The following CDK8 variants were observed in gnomAD, a reference collection of about 807,000 sequenced individuals.
CDK8 encodes cyclin-dependent kinase 8.
A neutral mutation model predicts 71.5 loss-of-function variants in CDK8; 29 were observed. The observed-to-expected ratio is 0.41, with a 90% CI of 0.30 to 0.55. The LOEUF (loss-of-function observed/expected upper bound fraction) is 0.55. CDK8 is among the 20% of genes least tolerant of loss of function. The probability of loss-of-function intolerance (pLI) is 0.37; values close to 1 mark genes in which losing one functional copy is unlikely to be tolerated. For synonymous variants in CDK8, 161 were observed against 192.1 expected (o/e 0.84, Z 1.34); for missense variants, 288 against 572.6 (o/e 0.50, Z 5.07).
intron 1 of CDK8, among the ~76,000 whole-genome samples, chr13:26,275,536 CAT>C (rs1351744725): frequency 2.0e-5 from 3 of 152,094 alleles, no homozygotes; most frequent in East Asian, 1.9e-4. Flanking sequence ...ATATTTGTGA[CAT>C]ATGAAAATTT....
At chr13:26,391,784 C>T (rs765414561) in intron 6 of CDK8, among the ~76,000 whole-genome samples, 1 of 152,128 alleles carries the variant, frequency 6.6e-6, no homozygotes, top group Non-Finnish European at 1.5e-5. Flanking sequence ...TATGTAAATA[C>T]GATGTCATTT....
chr13:26,293,624 A>T (rs1351904709), intron 1 of CDK8, among the ~76,000 whole-genome samples: 5 of 137,992 alleles, frequency 3.6e-5, no homozygotes, highest in Non-Finnish European at 1.6e-5. Context: ...AAAAAAAAAA[A>T]TTTGTATATA....
chr13:26,317,824 C>T (rs960128247), intron 1 of CDK8, among the ~76,000 whole-genome samples: 13 of 151,934 alleles, frequency 8.6e-5, no homozygotes, highest in Non-Finnish European at 1.6e-4. Context: ...TAGCTATAAA[C>T]GCCTACCTTA....
rs1203523401 is a variant in CDK8, at chr13:26,369,526, ATTTTTTTTTTT to A, written c.457-13276_457-13266del. 2.8e-3 allele frequency among the ~76,000 whole-genome samples: 280 copies of A among 98,434 alleles called. 4 individuals carry two copies. Among genetic ancestry groups the A allele is most frequent in the Admixed American group, 1.8e-3 (15 of 8,570 alleles). The allele number at this position is 98,434 out of a possible 152,430, so 64.6% of individuals were successfully genotyped here. A position where few individuals can be genotyped will look rare whatever the true frequency, so the allele number is the denominator to read the frequency against. On this transcript the variant is annotated intron_variant, in intron 4 of 12. Transcript: ENST00000381527. ...TGGTGCACTGAACTGAGGTTGGACG[ATTTTTTTTTTT>A]TTTTTTTTTTTGAGACAGTCTCGCT...
At chr13:26,321,522 TA>T (rs569983026) in intron 1 of CDK8, among the ~76,000 whole-genome samples, 39 of 152,256 alleles carry the variant, frequency 2.6e-4, no homozygotes, top group African/African-American at 7.9e-4. Context: ...TAAAAATGGT[TA>T]AGGTAAATTT....
At chr13:26,288,795 T>C (rs186368997) in intron 1 of CDK8, among the ~76,000 whole-genome samples, 172 of 152,286 alleles carry the variant, frequency 1.1e-3, no homozygotes, top group African/African-American at 3.6e-3. Flanking sequence ...AATCTCACTC[T>C]GTCACCCAGG....
chr13:26,277,195 C>T (rs1872591365), intron 1 of CDK8, among the ~76,000 whole-genome samples: 1 of 152,084 alleles, frequency 6.6e-6, no homozygotes, highest in African/African-American at 2.4e-5. Context: ...GAGTTTTCCC[C>T]CAATTGATGA....
chr13:26,296,240 A>G (rs1873556070), intron 1 of CDK8, among the ~76,000 whole-genome samples: 1 of 152,174 alleles, frequency 6.6e-6, no homozygotes, highest in Non-Finnish European at 1.5e-5. Context: ...GAAAGGTTAT[A>G]AGCACATCTT....
chr13:26,362,848 C>T (rs540592908), intron 4 of CDK8, among the ~76,000 whole-genome samples: 1 of 151,982 alleles, frequency 6.6e-6, no homozygotes, highest in African/African-American at 2.4e-5. Context: ...ATGTGATATC[C>T]AAAATTTCAT....
chr13:26,403,762 A>G (rs1379570510), intron 12 of CDK8, among the ~76,000 whole-genome samples, 194 bp from the exon 13 acceptor site: 3 of 152,220 alleles, frequency 2.0e-5, no homozygotes, highest in African/African-American at 4.8e-5. Context: ...TTTACTAGCA[A>G]TATTTCTGAC....
intron 1 of CDK8, among the ~76,000 whole-genome samples, chr13:26,263,206 G>A (rs1029875841): frequency 2.6e-5 from 4 of 151,988 alleles, no homozygotes; most frequent in Non-Finnish European, 4.4e-5. Flanking sequence ...CGCGATCTCC[G>A]CTCACTGCTA....
At chr13:26,315,391 G>C (rs1874461259) in intron 1 of CDK8, among the ~76,000 whole-genome samples, 1 of 152,154 alleles carries the variant, frequency 6.6e-6, no homozygotes, top group Non-Finnish European at 1.5e-5. Flanking sequence ...TCAGTTAGAT[G>C]AGCACTGACA....
chr13:26,281,720 C>A (rs1321933476), intron 1 of CDK8, among the ~76,000 whole-genome samples: 2 of 123,756 alleles, frequency 1.6e-5, no homozygotes, highest in South Asian at 2.5e-4. Context: ...AAGGTGAAAA[C>A]CAACTTAAAG....
intron 1 of CDK8, among the ~76,000 whole-genome samples, chr13:26,283,545 T>A (rs1593237688): frequency 6.6e-6 from 1 of 151,126 alleles, no homozygotes; most frequent in African/African-American, 2.4e-5. Context: ...GAGGCAGGGG[T>A]TGCAGTGAGC....
chr13:26,277,400 A>G (rs1872596444), intron 1 of CDK8, among the ~76,000 whole-genome samples: 2 of 152,228 alleles, frequency 1.3e-5, no homozygotes, highest in Admixed American at 1.3e-4. Context: ...CTGGCTCAGT[A>G]AACTGTACTT....
rs1338766317 is a variant in CDK8, at chr13:26,404,027, C to T, written c.1341C>T (p.Tyr447=). ...CACAGCCGCAGAGCAGCATGGGATA[C>T]TCAGCTACCTCCCAGCAGCCTCCAC... ...STSQPQSSMG[Y]SATSQQPPQY... The change falls in exon 13 of 13, where the codon TAC becomes TAT. Residue 447 remains tyrosine (Y), a synonymous_variant. Coordinates refer to ENST00000381527, the MANE Select transcript of CDK8 (RefSeq NM_001260.3). The T allele has an allele frequency of 6.2e-7, 1 of 1,613,978 alleles. No homozygotes were observed. The highest frequency in any genetic ancestry group is 8.5e-7 in the Non-Finnish European group (1 of 1,180,026).
intron 1 of CDK8, among the ~76,000 whole-genome samples, chr13:26,327,237 CAAAT>C (rs559369335): frequency 7.9e-5 from 12 of 152,058 alleles, no homozygotes; most frequent in Admixed American, 6.6e-4. Flanking sequence ...TGTGATTTAC[CAAAT>C]AAATTAATTT....
At chr13:26,389,264 G>A (rs1271093237) in intron 6 of CDK8, among the ~76,000 whole-genome samples, 1 of 152,092 alleles carries the variant, frequency 6.6e-6, no homozygotes, top group Non-Finnish European at 1.5e-5. Flanking sequence ...CCAGGTTCAG[G>A]CAATTCTGCT....
intron 1 of CDK8, among the ~76,000 whole-genome samples, chr13:26,257,856 A>T (rs369014253): frequency 3.9e-4 from 60 of 152,114 alleles, no homozygotes; most frequent in African/African-American, 1.4e-3. Context: ...TCTATGTTCC[A>T]AAGAATAGAT....
Sources: allele counts gnomAD v4.1 joint callset (sites outside exome capture counted in the v4.1 genomes callset), GRCh38; gene constraint gnomAD v4.1.1; transcripts MANE v1.5; gene names NCBI Gene and HGNC (gene_info 2026-07-23, HGNC 2026-07-21).